DSC2: variants seen among roughly 807,000 people sequenced by gnomAD.
DSC2 encodes the protein desmocollin 2.
In DSC2, 51 loss-of-function variants were observed where a neutral mutation model predicts 87.6. The observed-to-expected ratio is 0.58, with a 90% CI of 0.46 to 0.74. The LOEUF is 0.74. Among genes scored for constraint, DSC2 ranks in the 30% least tolerant of loss-of-function variants. DSC2 has a pLI of 0.00. For missense variants in DSC2, 1,066 were observed against 1,089.5 expected, an observed-to-expected ratio of 0.98 and a Z score of 0.30; for synonymous variants, 383 against 393.2, an observed-to-expected ratio of 0.97 and a Z score of 0.31.
intron 1 of DSC2, among the ~76,000 whole-genome samples, chr18:31,098,899 C>T (rs1189806029): frequency 6.6e-6 from 1 of 152,144 alleles, no homozygotes; most frequent in Non-Finnish European, 1.5e-5. Context: ...AGTGAATAGA[C>T]CCCTGAGCTG....
chr18:31,071,318 G>C (rs141734621), intron 13 of DSC2, among the ~76,000 whole-genome samples: 3 of 152,160 alleles, frequency 2.0e-5, no homozygotes, highest in South Asian at 2.1e-4. Flanking sequence ...AGGCCGAGGT[G>C]GGGGGATCAC....
chr18:31,089,700 C>A, intron 4 of DSC2, 106 bp from the exon 5 acceptor site: 5 of 1,085,404 alleles, frequency 4.6e-6, no homozygotes, highest in Non-Finnish European at 6.5e-6. Flanking sequence ...AAATAATTGC[C>A]CTTAATTTAT....
At chr18:31,080,065 T>G in intron 10 of DSC2, 31 bp downstream of exon 10, 1 of 1,613,104 alleles carries the variant, frequency 6.2e-7, no homozygotes, top group Non-Finnish European at 8.5e-7. Flanking sequence ...ATAAGCTATA[T>G]ATTTTAAAAC....
chr18:31,091,272 T>C, intron 3 of DSC2, 125 bp from the exon 4 acceptor site: 1 of 1,153,120 alleles, frequency 8.7e-7, no homozygotes, highest in South Asian at 1.3e-5. Flanking sequence ...ATGGGAGTGC[T>C]TGAAAACCAA....
rs1412731975 is a variant in DSC2 at position 31,066,095 on chromosome 18, C to G, written c.*1920G>C. 2 of 152,100 alleles carry G rather than the reference C, an allele frequency of 1.3e-5. No individual in the cohort carries two copies. Among genetic ancestry groups the G allele is most frequent in the African/African-American group, 4.8e-5 (2 of 41,424 alleles). 9.4% of individuals were successfully genotyped at this position (152,100 alleles called of 1,614,324 possible). ...TTACAATGGCCCTAGGAAACAAGTTCTGTTATTATCCCCCATTTTAAAATG... is the reference window on the plus strand; with the variant it reads ...TTACAATGGCCCTAGGAAACAAGTTGTGTTATTATCCCCCATTTTAAAATG... On this transcript the variant is annotated 3_prime_UTR_variant, in exon 16 of 16. Coordinates refer to ENST00000280904, the MANE Select transcript of DSC2 (RefSeq NM_024422.6).
Position 31,068,369 on chromosome 18 carries a change from T to C in DSC2, c.2509-157A>G, listed in dbSNP as rs540570622. On this transcript the variant is annotated intron_variant, in intron 15 of 15. Coordinates refer to ENST00000280904, the MANE Select transcript of DSC2 (RefSeq NM_024422.6). Reference sequence around the variant, plus strand: ...CCTATACATAAAAAATGCACATGATTGGTCTGTTTCATACATCACACTATA... The same window carrying C: ...CCTATACATAAAAAATGCACATGATCGGTCTGTTTCATACATCACACTATA... 31 of 1,609,000 alleles carry C rather than the reference T, an allele frequency of 1.9e-5. No individual in the cohort carries two copies. The South Asian group carries it at 3.3e-4, about 17-fold the overall frequency.
chr18:31,086,900 C>T (rs981073357), intron 6 of DSC2, among the ~76,000 whole-genome samples, 158 bp from the exon 7 acceptor site: 1 of 152,182 alleles, frequency 6.6e-6, no homozygotes, highest in African/African-American at 2.4e-5. Flanking sequence ...CATACAGTAT[C>T]ACTTCCTTTC....
chr18:31,059,976 T>C lies in DSC2; in HGVS notation c.*8039A>G, dbSNP rs1440567188. On this transcript the variant is annotated 3_prime_UTR_variant, in exon 16 of 16. Transcript: ENST00000280904. ...TGTCCTTATTTGATATGCTAGAAAT[T>C]TGAGGTTTCTGTGATTTCCCAAGGT... 1 of 152,140 alleles carries C rather than the reference T, an allele frequency of 6.6e-6. No homozygotes were observed. Among genetic ancestry groups the C allele is most frequent in the Non-Finnish European group, 1.5e-5 (1 of 68,022 alleles). 9.4% of individuals were successfully genotyped at this position (152,140 alleles called of 1,614,324 possible). A position where few individuals can be genotyped will look rare whatever the true frequency, so the allele number is the denominator to read the frequency against.
At chr18:31,088,950 G>A (rs186591372) in intron 5 of DSC2, among the ~76,000 whole-genome samples, 122 of 152,144 alleles carry the variant, frequency 8.0e-4, no homozygotes, top group East Asian at 3.7e-3. Context: ...GATCACCTGA[G>A]GTCAAGAGCT....
chr18:31,091,692 C>G (rs1472240813), intron 3 of DSC2: 1 of 430,070 alleles, frequency 2.3e-6, no homozygotes, highest in Admixed American at 2.6e-5. Flanking sequence ...GCATGTGGTC[C>G]AAACCTCCTC....
At chr18:31,082,453 CGTTA>C in intron 8 of DSC2, 30 bp from the exon 9 acceptor site, 4 of 1,599,266 alleles carry the variant, frequency 2.5e-6, no homozygotes, top group Non-Finnish European at 3.4e-6. Flanking sequence ...CAAAAAATTT[CGTTA>C]GTAACTCTCA....
At chr18:31,073,371 A>G (rs1567973806) in intron 12 of DSC2, among the ~76,000 whole-genome samples, 1 of 54,466 alleles carries the variant, frequency 1.8e-5, no homozygotes, top group Non-Finnish European at 3.9e-5. Context: ...ATACACACAC[A>G]CGCACACACA....
intron 1 of DSC2, among the ~76,000 whole-genome samples, chr18:31,095,590 T>C (rs1314017991): frequency 1.3e-5 from 2 of 152,154 alleles, no homozygotes; most frequent in African/African-American, 2.4e-5. Context: ...TGAAAAATGG[T>C]TGGATTAAGA....
rs2144790608 is a variant in DSC2 at position 31,071,634 on chromosome 18, G to A, written c.2096C>T (p.Ala699Val). 2 of 1,614,026 alleles carry A rather than the reference G, an allele frequency of 1.2e-6. No homozygotes were observed. Among genetic ancestry groups the A allele is most frequent in the Non-Finnish European group, 1.7e-6 (2 of 1,179,922 alleles). The change falls in exon 13 of 16, where the codon GCA (alanine) becomes GTA (valine). Residue 699 changes from alanine to valine, a missense_variant. By Grantham distance (64) the Ala-to-Val change is moderately conservative (BLOSUM62 0). Transcript: ENST00000280904. Reference protein sequence around the residue: ...GVQLGKWAILAILLGIALLFC... With the variant: ...GVQLGKWAILVILLGIALLFC... ...GAGCAATGCTATGCCCAACAATATT[G>A]CAAGGATGGCCCACTTTCCAAGTTG...
At chr18:31,082,111 G>A in intron 9 of DSC2, 127 bp downstream of exon 9, 1 of 810,366 alleles carries the variant, frequency 1.2e-6, no homozygotes, top group Non-Finnish European at 1.9e-6. Context: ...ATGAAGAACA[G>A]AGCATTTGCA....
At chr18:31,089,415 C>T (rs1324131092) in intron 5 of DSC2, 24 bp downstream of exon 5, 4 of 1,613,040 alleles carry the variant, frequency 2.5e-6, no homozygotes, top group Non-Finnish European at 3.4e-6. Context: ...ATTGCTAATA[C>T]AGTACACACA....
At chr18:31,082,159 A>C in intron 9 of DSC2, 79 bp downstream of exon 9, 442 of 1,131,874 alleles carry the variant, frequency 3.9e-4, no homozygotes, top group Non-Finnish European at 5.3e-4. Context: ...ATTTATCAGA[A>C]TTCCTTTCTT....
Position 31,066,774 on chromosome 18 carries a change from AT to A in DSC2, c.*1240del, listed in dbSNP as rs918245032. ...ATTGTAATCTTAAAATATTAAAAAA[AT>A]AACTTTACAAACACACAGATATGAC... On this transcript the variant is annotated 3_prime_UTR_variant, in exon 16 of 16. Transcript: ENST00000280904. 1 of 152,298 alleles carries A rather than the reference AT, an allele frequency of 6.6e-6. No homozygotes were observed. The highest frequency in any genetic ancestry group is 6.5e-5 in the Admixed American group (1 of 15,294). The allele number at this position is 152,298 out of a possible 1,614,324, so 9.4% of individuals were successfully genotyped here.
chr18:31,077,968 G>A (rs1008151333), intron 11 of DSC2, among the ~76,000 whole-genome samples: 3 of 152,206 alleles, frequency 2.0e-5, no homozygotes, highest in African/African-American at 4.8e-5. Context: ...AAATATATAT[G>A]TTTAGGAGAG....
Sources: allele counts gnomAD v4.1 joint callset (sites outside exome capture counted in the v4.1 genomes callset), GRCh38; gene constraint gnomAD v4.1.1; transcripts MANE v1.5; gene names NCBI Gene and HGNC (gene_info 2026-07-23, HGNC 2026-07-21).